Variants in ZNF704 observed in about 807,000 individuals in gnomAD.
ZNF704 encodes zinc finger protein 704, also known as glucocorticoid induced gene 1.
Under a neutral mutation model 44.7 loss-of-function variants are expected in ZNF704, and 10 were observed. The ratio of observed to expected loss-of-function variants is 0.22; its 90% CI spans 0.14 to 0.38. ZNF704 has a LOEUF of 0.38. Ranked by LOEUF, ZNF704 falls within the 10% of genes least tolerant of loss-of-function variation. ZNF704 has a pLI of 1.00. For missense variants in ZNF704, 390 were observed against 545.5 expected (o/e 0.71, Z 2.84); for synonymous variants, 211 against 207.6 (o/e 1.02, Z -0.14).
intron 2 of ZNF704, among the ~76,000 whole-genome samples, chr8:80,695,394 C>T (rs59454337): frequency 0.053 from 8,123 of 152,290 alleles, 742 homozygotes; most frequent in African/African-American, 0.18. Flanking sequence ...ACGGCCAGTC[C>T]ACTTTTATTC....
At position 80,630,550 on chromosome 8, in the gene ZNF704, T is replaced by C. The variant is rs144992680; in HGVS notation, c.*10816A>G. 392 of 152,344 alleles carry C rather than the reference T, an allele frequency of 2.6e-3. 2 individuals carry two copies. Among genetic ancestry groups the C allele is most frequent in the African/African-American group, 8.8e-3 (366 of 41,570 alleles). The allele number at this position is 152,344 out of a possible 1,614,324, so 9.4% of individuals were successfully genotyped here. A position where few individuals can be genotyped will look rare whatever the true frequency, so the allele number is the denominator to read the frequency against. On this transcript the variant is annotated 3_prime_UTR_variant, in exon 9 of 9. Coordinates refer to ENST00000327835, the MANE Select transcript of ZNF704 (RefSeq NM_001033723.3). The stretch of plus-strand genomic sequence containing the variant: ...AGAAGATGGCTTAATTTTTTAAAGT[T>C]TCCTTAAACATTGTCATGGACTAAG...
chr8:80,707,710 T>G (rs1458679369), intron 2 of ZNF704, among the ~76,000 whole-genome samples: 2 of 152,242 alleles, frequency 1.3e-5, no homozygotes, highest in Non-Finnish European at 2.9e-5. Context: ...TATTCTCATT[T>G]AAATTCGATT....
chr8:80,866,314 G>A (rs1223673694), intron 1 of ZNF704, among the ~76,000 whole-genome samples: 2 of 152,170 alleles, frequency 1.3e-5, no homozygotes, highest in African/African-American at 4.8e-5. Context: ...GTGTTAGAAT[G>A]TGGGCTCCCT....
intron 1 of ZNF704, among the ~76,000 whole-genome samples, chr8:80,850,500 C>T (rs1808839975): frequency 6.6e-6 from 1 of 152,132 alleles, no homozygotes; most frequent in African/African-American, 2.4e-5. Flanking sequence ...GGTTCTGGCA[C>T]TAACACCAGG....
At chr8:80,833,496 T>C (rs1308792699) in intron 1 of ZNF704, among the ~76,000 whole-genome samples, 1 of 152,222 alleles carries the variant, frequency 6.6e-6, no homozygotes, top group Non-Finnish European at 1.5e-5. Context: ...TCATGCTAGG[T>C]ACACAGAAAA....
intron 2 of ZNF704, among the ~76,000 whole-genome samples, chr8:80,772,784 C>A (rs747582237): frequency 1.1e-4 from 16 of 151,872 alleles, no homozygotes; most frequent in Non-Finnish European, 1.6e-4. Context: ...TATTTCTTTC[C>A]TTTGTTTGCT....
intron 1 of ZNF704, among the ~76,000 whole-genome samples, chr8:80,861,991 C>CTTTTTTTTTTTTTT (rs71266093): frequency 1.1e-5 from 1 of 92,950 alleles, no homozygotes; most frequent in African/African-American, 5.4e-5. Flanking sequence ...AAAAAATAAC[C>CTTTTTTTTTTTTTT]TTTTTTTTTT....
At chr8:80,865,829 CCTT>C (rs1809146033) in intron 1 of ZNF704, among the ~76,000 whole-genome samples, 1 of 152,260 alleles carries the variant, frequency 6.6e-6, no homozygotes, top group Admixed American at 6.5e-5. Context: ...AACGAACCCT[CCTT>C]GTGTGTTACT....
At chr8:80,882,196 C>T in the ZNF704 span, among the ~76,000 whole-genome samples, 2 of 152,200 alleles carry the variant, frequency 1.3e-5, no homozygotes, top group Non-Finnish European at 1.5e-5. Context: ...TTTGACTAGA[C>T]GGCTTTACGA....
intron 1 of ZNF704, among the ~76,000 whole-genome samples, chr8:80,833,854 C>A (rs1372931813): frequency 1.3e-5 from 2 of 151,994 alleles, no homozygotes; most frequent in African/African-American, 4.8e-5. Flanking sequence ...AATCTGTCTG[C>A]CAGAGGAGTT....
At chr8:80,780,960 T>C (rs1030028587) in intron 2 of ZNF704, among the ~76,000 whole-genome samples, 4 of 152,184 alleles carry the variant, frequency 2.6e-5, no homozygotes, top group African/African-American at 9.7e-5. Flanking sequence ...GAGAGCTGAA[T>C]TGGAGAGAAG....
chr8:80,644,803 A>G (rs1817801277), intron 7 of ZNF704: 1 of 625,762 alleles, frequency 1.6e-6, no homozygotes, highest in Admixed American at 2.6e-5. Context: ...AGCACATTCA[A>G]ACAGTGTATT....
intron 2 of ZNF704, among the ~76,000 whole-genome samples, chr8:80,697,092 A>G (rs1029660865): frequency 6.6e-5 from 10 of 152,144 alleles, no homozygotes; most frequent in African/African-American, 2.4e-4. Flanking sequence ...GGATTTCAAG[A>G]TGGGAGAAAC....
chr8:80,805,320 G>T (rs906149792), intron 2 of ZNF704, among the ~76,000 whole-genome samples: 4 of 152,130 alleles, frequency 2.6e-5, no homozygotes, highest in Admixed American at 2.6e-4. Context: ...CTGTTTTTTG[G>T]TAAGATACTG....
chr8:80,658,098 T>A (rs906036655), intron 7 of ZNF704, among the ~76,000 whole-genome samples: 22 of 152,098 alleles, frequency 1.4e-4, no homozygotes, highest in African/African-American at 5.1e-4. Flanking sequence ...ATAATTTAGT[T>A]AGAAAAGCAA....
At chr8:80,759,082 A>C (rs1284787946) in intron 2 of ZNF704, among the ~76,000 whole-genome samples, 2 of 152,186 alleles carry the variant, frequency 1.3e-5, no homozygotes, top group Non-Finnish European at 2.9e-5. Context: ...AAAAACATTC[A>C]TCCATTCAGC....
In ZNF704 at chr8:80,874,233, G is replaced by A. The variant is rs1403776651; in HGVS notation, c.-22+338C>T. On this transcript the variant is annotated intron_variant, in intron 1 of 8. Coordinates refer to ENST00000327835, the MANE Select transcript of ZNF704 (RefSeq NM_001033723.3). The surrounding 1 kb of genome is among the most constrained non-coding windows in gnomAD (Gnocchi z 4.4). ...GGGCGCCGCCTTCGCTGGACCGGCC[G>A]GCGGGGACGCCGGCGGCCGGCGGCT... Among the ~76,000 whole-genome samples the A allele has an allele frequency of 6.9e-6, 1 of 145,038 alleles. No individual in the cohort carries two copies. Among genetic ancestry groups the A allele is most frequent in the Non-Finnish European group, 1.5e-5 (1 of 65,510 alleles).
At chr8:80,679,328 C>T (rs1818415788) in intron 4 of ZNF704, among the ~76,000 whole-genome samples, 1 of 150,840 alleles carries the variant, frequency 6.6e-6, no homozygotes, top group Admixed American at 6.6e-5. Context: ...CCTTTGTCTA[C>T]AAACAGACTA....
At chr8:80,781,034 C>G (rs2129705535) in intron 2 of ZNF704, among the ~76,000 whole-genome samples, 1 of 152,304 alleles carries the variant, frequency 6.6e-6, no homozygotes, top group African/African-American at 2.4e-5. Flanking sequence ...TGGATTAAAA[C>G]ACAATAAGTT....
Sources: gnomAD v4.1 joint callset for allele counts (sites outside exome capture counted in the v4.1 genomes callset) on GRCh38, gnomAD v4.1.1 for gene constraint, Gnocchi (gnomAD v3.1) non-coding constraint, MANE v1.5 for transcripts, NCBI Gene and HGNC (gene_info 2026-07-23, HGNC 2026-07-21) for gene names.